Variants in STK31 observed in about 807,000 individuals in gnomAD.
The protein encoded by STK31 is serine/threonine-protein kinase 31.
STK31 carries 89 observed loss-of-function variants against 129.7 expected under a neutral mutation model. The observed-to-expected ratio is 0.69, with a 90% CI of 0.58 to 0.82. The LOEUF (loss-of-function observed/expected upper bound fraction) is 0.82, where lower values mean the gene tolerates loss of function less well. Among genes scored for constraint, STK31 ranks in the 40% least tolerant of loss-of-function variants. STK31 has a pLI of 0.00. For synonymous variants in STK31, 448 were observed against 395.3 expected (o/e 1.13, Z -1.58); for missense variants, 1,187 against 1,176.4 (o/e 1.01, Z -0.13).
intron 16 of STK31, 49 bp from the exon 17 acceptor site, chr7:23,783,534 T>G: frequency 7.3e-7 from 1 of 1,372,440 alleles, no homozygotes; most frequent in Non-Finnish European, 1.0e-6. Context: ...CATGTCAAAA[T>G]TGAATATATA....
At chr7:23,810,718 T>TATA (rs1263725140) in intron 22 of STK31, among the ~76,000 whole-genome samples, 3 of 121,210 alleles carry the variant, frequency 2.5e-5, no homozygotes, top group Non-Finnish European at 4.9e-5. Context: ...ATAAAATAGA[T>TATA]ATATATAAAA....
chr7:23,829,928 A>G (rs1794437758), intron 23 of STK31, among the ~76,000 whole-genome samples: 1 of 152,084 alleles, frequency 6.6e-6, no homozygotes. Flanking sequence ...AGTTATTCAT[A>G]ATAGTCTTTA....
intron 23 of STK31, among the ~76,000 whole-genome samples, chr7:23,829,165 C>T (rs539389401): frequency 6.6e-6 from 1 of 152,122 alleles, no homozygotes; most frequent in South Asian, 2.1e-4. Flanking sequence ...CCCACCTCGG[C>T]CTCCCAAAGT....
intron 23 of STK31, among the ~76,000 whole-genome samples, chr7:23,823,774 A>T (rs190217480): frequency 6.6e-6 from 1 of 152,196 alleles, no homozygotes. Flanking sequence ...TAATTTTTGT[A>T]TAAGGTGTAA....
At chr7:23,800,836 TTTCA>T (rs142254106) in intron 22 of STK31, among the ~76,000 whole-genome samples, 17,151 of 152,180 alleles carry the variant, frequency 0.11, 1,540 homozygotes, top group African/African-American at 0.25. Flanking sequence ...GTCTAGCTTC[TTTCA>T]TTCAGCATGT....
intron 4 of STK31, among the ~76,000 whole-genome samples, chr7:23,719,437 T>C (rs984184149): frequency 7.3e-5 from 11 of 151,268 alleles, no homozygotes; most frequent in Non-Finnish European, 1.5e-4. Flanking sequence ...AAAAAAAAAG[T>C]GGGGGAAAGG....
intron 8 of STK31, among the ~76,000 whole-genome samples, chr7:23,738,704 C>G (rs1034022914): frequency 1.3e-5 from 2 of 152,110 alleles, no homozygotes; most frequent in Non-Finnish European, 2.9e-5. Context: ...TACAGGCACC[C>G]GCCGCCATGT....
intron 13 of STK31, among the ~76,000 whole-genome samples, chr7:23,770,779 A>AG (rs957917500): frequency 3.3e-5 from 5 of 151,346 alleles, no homozygotes; most frequent in Admixed American, 6.6e-5. Flanking sequence ...CTAATTAAAA[A>AG]TTTTTTTTTA....
At chr7:23,729,757 A>G (rs1289716636) in intron 6 of STK31, among the ~76,000 whole-genome samples, 1 of 151,852 alleles carries the variant, frequency 6.6e-6, no homozygotes, top group Admixed American at 6.6e-5. Context: ...TGATCCACCC[A>G]CCTTGGCCTT....
At chr7:23,808,165 A>ATTT (rs1488099575) in intron 22 of STK31, among the ~76,000 whole-genome samples, 2 of 119,460 alleles carry the variant, frequency 1.7e-5, no homozygotes, top group African/African-American at 6.0e-5. Flanking sequence ...ATATATATAT[A>ATTT]TATATTTTTT....
rs776854336 is a variant in STK31, at chr7:23,832,451, TAGTTG to T, written c.*91_*95del. On this transcript the variant is annotated 3_prime_UTR_variant, in exon 24 of 24. Coordinates refer to ENST00000355870, the MANE Select transcript of STK31 (RefSeq NM_031414.5). ...GAAATATCTAGAAATGTTCTGGGAC[TAGTTG>T]AGTTGTATCTTTAGTATTCAGGTTG... 2.9e-4 allele frequency: 280 copies of T among 965,214 alleles called. 3 individuals carry two copies. In the East Asian group the frequency reaches 5.3e-3, roughly 18 times the overall value. The allele number at this position is 965,214 out of a possible 1,614,324, so 59.8% of individuals were successfully genotyped here. A position where few individuals can be genotyped will look rare whatever the true frequency, so the allele number is the denominator to read the frequency against.
At position 23,815,229 on chromosome 7, in the gene STK31, A is replaced by G. The variant is rs956807082; in HGVS notation, c.2829+17A>G. ...TTTCATCTGGTATGTGACCTTTTTG[A>G]CATTTACTGGTTTGAAACACATGCA... On this transcript the variant is annotated intron_variant, in intron 23 of 23. Coordinates refer to ENST00000355870, the MANE Select transcript of STK31 (RefSeq NM_031414.5). The G allele has an allele frequency of 7.1e-6, 11 of 1,544,320 alleles. No individual in the cohort carries two copies. The highest frequency in any genetic ancestry group is 9.7e-6 in the Non-Finnish European group (11 of 1,138,910).
At chr7:23,768,920 C>T in intron 11 of STK31, 75 bp from the exon 12 acceptor site, 1 of 1,253,384 alleles carries the variant, frequency 8.0e-7, no homozygotes, top group South Asian at 2.2e-5. Flanking sequence ...TTTTCTACCC[C>T]TTAGATCCTA....
intron 23 of STK31, among the ~76,000 whole-genome samples, chr7:23,825,032 T>G (rs1213661714): frequency 1.3e-5 from 2 of 152,158 alleles, no homozygotes; most frequent in Admixed American, 6.5e-5. Context: ...GCATCAATGT[T>G]CATCAAGAAT....
intron 22 of STK31, among the ~76,000 whole-genome samples, chr7:23,803,464 T>A (rs901987143): frequency 6.6e-6 from 1 of 152,256 alleles, no homozygotes; most frequent in Non-Finnish European, 1.5e-5. Context: ...TGGTTTTAGA[T>A]CATTTTTCTT....
intron 23 of STK31, 60 bp downstream of exon 23, chr7:23,815,272 A>G: frequency 1.7e-6 from 2 of 1,165,092 alleles, no homozygotes; most frequent in Non-Finnish European, 2.4e-6. Context: ...AAACTTAGAT[A>G]TCTGACTGAA....
At chr7:23,830,592 T>TTTTGTG (rs375886156) in intron 23 of STK31, among the ~76,000 whole-genome samples, 10 of 142,246 alleles carry the variant, frequency 7.0e-5, no homozygotes, top group Admixed American at 4.9e-4. Flanking sequence ...AATTTCCATG[T>TTTTGTG]TGTGTGTGTG....
chr7:23,801,217 G>A (rs887206909), intron 22 of STK31, among the ~76,000 whole-genome samples: 2 of 152,088 alleles, frequency 1.3e-5, no homozygotes, highest in African/African-American at 4.8e-5. Flanking sequence ...TCGGCACCTC[G>A]TATTGTTATT....
chr7:23,754,087 A>G (rs1788898919), intron 9 of STK31, among the ~76,000 whole-genome samples: 2 of 152,146 alleles, frequency 1.3e-5, no homozygotes, highest in African/African-American at 4.8e-5. Context: ...GTATATCCAC[A>G]GTTGTTTTTT....
Sources: gnomAD v4.1 joint callset for allele counts (sites outside exome capture counted in the v4.1 genomes callset) on GRCh38, gnomAD v4.1.1 for gene constraint, MANE v1.5 for transcripts, NCBI Gene and HGNC (gene_info 2026-07-23, HGNC 2026-07-21) for gene names.